Variants in ARRB1 observed in about 807,000 individuals in gnomAD.
ARRB1 encodes beta-arrestin-1.
In ARRB1, 21 loss-of-function variants were observed where a neutral mutation model predicts 56.8. That is an observed-to-expected ratio of 0.37 (90% CI 0.26 to 0.53). ARRB1 has a LOEUF of 0.53. Among genes scored for constraint, ARRB1 ranks in the 20% least tolerant of loss-of-function variants. The pLI, the probability that ARRB1 is intolerant of heterozygous loss-of-function variation, is 0.88. For missense variants in ARRB1, 424 were observed against 553.7 expected (o/e 0.77, Z 2.35); for synonymous variants, 210 against 218.6 (o/e 0.96, Z 0.35).
Position 75,277,348 on chromosome 11 carries a change from C to G in ARRB1, c.703+16G>C, listed in dbSNP as rs113230453. 50 of 1,612,606 alleles carry G rather than the reference C, an allele frequency of 3.1e-5. 1 individual carries two copies. In the African/African-American group the frequency reaches 3.3e-4, roughly 11 times the overall value. ...GCCTCTCGCTGTCCCCTAAGCTGAC[C>G]CTCTGTCTGGGATACCTGAGATCTT... On this transcript the variant is annotated intron_variant, in intron 9 of 15. Coordinates refer to ENST00000420843, the MANE Select transcript of ARRB1 (RefSeq NM_004041.5).
rs1299167171 is a variant in ARRB1, at chr11:75,263,752, A to T, written c.*2411T>A. Among the ~76,000 whole-genome samples, 2 of 152,262 alleles carry T rather than the reference A, an allele frequency of 1.3e-5. No individual in the cohort carries two copies. Among genetic ancestry groups the T allele is most frequent in the East Asian group, 3.9e-4 (2 of 5,176 alleles). On this transcript the variant is annotated 3_prime_UTR_variant, in exon 16 of 16. Coordinates refer to ENST00000420843, the MANE Select transcript of ARRB1 (RefSeq NM_004041.5). ...CCTGGCTCCAGGAGAAAAAAAAAAA[A>T]AAAAGATAGTGCTCTGATCCTTCCC... is the stretch of plus-strand genomic sequence containing the variant.
At chr11:75,291,868 G>C (rs1177518233) in intron 1 of ARRB1, among the ~76,000 whole-genome samples, 1 of 152,208 alleles carries the variant, frequency 6.6e-6, no homozygotes, top group Non-Finnish European at 1.5e-5. Flanking sequence ...TCCCCCAGGA[G>C]CACAGGGTCC....
At chr11:75,313,694 C>G (rs1947210933) in intron 1 of ARRB1, among the ~76,000 whole-genome samples, 1 of 152,168 alleles carries the variant, frequency 6.6e-6, no homozygotes, top group South Asian at 2.1e-4. Context: ...GAAATGAAAT[C>G]CCCTACTTAG....
At chr11:75,289,772 A>G (rs1946561784) in intron 2 of ARRB1, among the ~76,000 whole-genome samples, 1 of 152,054 alleles carries the variant, frequency 6.6e-6, no homozygotes, top group African/African-American at 2.4e-5. Flanking sequence ...CTCTCCCTAC[A>G]CCAGAGCTCA....
intron 15 of ARRB1, among the ~76,000 whole-genome samples, 153 bp downstream of exon 15, chr11:75,267,499 C>T (rs964044527): frequency 3.9e-5 from 6 of 152,164 alleles, no homozygotes; most frequent in Non-Finnish European, 5.9e-5. Context: ...TGCAGGCAAG[C>T]GGGTTGCTGA....
At chr11:75,340,607 C>T (rs932474041) in intron 1 of ARRB1, among the ~76,000 whole-genome samples, 10 of 152,204 alleles carry the variant, frequency 6.6e-5, no homozygotes, top group African/African-American at 2.4e-4. Flanking sequence ...ACCTGGCAGA[C>T]CCTGTAGCAG....
chr11:75,345,587 C>CTCCA (rs1947754524), intron 1 of ARRB1, among the ~76,000 whole-genome samples: 1 of 152,174 alleles, frequency 6.6e-6, no homozygotes, highest in Admixed American at 6.5e-5. Flanking sequence ...CTTCAGAAGC[C>CTCCA]TCCAGTCTGA....
chr11:75,310,137 G>GTGGGGAGCAA (rs1260338799), intron 1 of ARRB1, among the ~76,000 whole-genome samples: 6 of 152,192 alleles, frequency 3.9e-5, no homozygotes, highest in African/African-American at 1.4e-4. Context: ...GGAAATCGAT[G>GTGGGGAGCAA]TGGGGAGCAA....
intron 2 of ARRB1, among the ~76,000 whole-genome samples, chr11:75,289,256 G>A (rs1946550908): frequency 6.6e-6 from 1 of 152,212 alleles, no homozygotes; most frequent in Non-Finnish European, 1.5e-5. Flanking sequence ...GAACTCAGCT[G>A]CTTAAGATTC....
At chr11:75,278,546 G>T (rs570353820) in intron 8 of ARRB1, 63 bp downstream of exon 8, 2,395 of 1,607,844 alleles carry the variant, frequency 1.5e-3, no homozygotes, top group Non-Finnish European at 1.9e-3. Flanking sequence ...GGAGAGAGCT[G>T]GGATCTGAGG....
chr11:75,293,477 C>T (rs187087521), intron 1 of ARRB1, among the ~76,000 whole-genome samples: 6 of 152,324 alleles, frequency 3.9e-5, no homozygotes, highest in Non-Finnish European at 5.9e-5. Context: ...TCCACCTATG[C>T]AGCGTCACAC....
In ARRB1 at chr11:75,263,836, G is replaced by A. The variant is rs1475735455; in HGVS notation, c.*2327C>T. Among the ~76,000 whole-genome samples, 2 of 152,204 alleles carry A rather than the reference G, an allele frequency of 1.3e-5. No individual in the cohort carries two copies. Among genetic ancestry groups the A allele is most frequent in the African/African-American group, 4.8e-5 (2 of 41,456 alleles). Reference sequence around the variant, plus strand: ...CTAAACCCAAAAGGGTGAGCGTGATGTTGAGGTGCAGGAGGCTCGGGAAAC... The same window carrying A: ...CTAAACCCAAAAGGGTGAGCGTGATATTGAGGTGCAGGAGGCTCGGGAAAC... On this transcript the variant is annotated 3_prime_UTR_variant, in exon 16 of 16. Transcript: ENST00000420843.
intron 1 of ARRB1, among the ~76,000 whole-genome samples, chr11:75,323,952 C>T (rs906578316): frequency 6.6e-6 from 1 of 151,932 alleles, no homozygotes; most frequent in Non-Finnish European, 1.5e-5. Flanking sequence ...GAGTTAATAG[C>T]ATAGGAGATA....
At chr11:75,325,757 G>T (rs372249925) in intron 1 of ARRB1, among the ~76,000 whole-genome samples, 1 of 152,182 alleles carries the variant, frequency 6.6e-6, no homozygotes, top group African/African-American at 2.4e-5. Context: ...CCCAAACCAG[G>T]CTTGGCCATT....
In ARRB1 at chr11:75,272,727, G is replaced by A. The variant is rs191223302; in HGVS notation, c.998+168C>T. ...AGGAAGGAAGAGAGGGAAAGCGGGC[G>A]GGGGAGAAAGAGGAACAGAAGGGAG... On this transcript the variant is annotated intron_variant, in intron 12 of 15. Coordinates refer to ENST00000420843, the MANE Select transcript of ARRB1 (RefSeq NM_004041.5). 5.4e-4 allele frequency: 331 copies of A among 617,628 alleles called. 1 individual carries two copies. In the African/African-American group the frequency reaches 5.6e-3, roughly 10 times the overall value. 38.3% of individuals were successfully genotyped at this position (617,628 alleles called of 1,614,324 possible).
chr11:75,300,001 T>C (rs1946860006), intron 1 of ARRB1, among the ~76,000 whole-genome samples: 1 of 151,892 alleles, frequency 6.6e-6, no homozygotes, highest in South Asian at 2.1e-4. Context: ...GGTCAGGAGT[T>C]TGAGACCAGC....
At chr11:75,296,047 G>A (rs892457366) in intron 1 of ARRB1, among the ~76,000 whole-genome samples, 2 of 151,980 alleles carry the variant, frequency 1.3e-5, no homozygotes, top group African/African-American at 4.8e-5. Flanking sequence ...TTAGCCAGGT[G>A]TGGTGGCACA....
chr11:75,348,619 ACAGGGTCT>A (rs915068205), intron 1 of ARRB1, among the ~76,000 whole-genome samples: 13 of 151,058 alleles, frequency 8.6e-5, no homozygotes, highest in African/African-American at 2.9e-4. Flanking sequence ...ATTTTTTCAG[ACAGGGTCT>A]CACTCTCTCA....
intron 1 of ARRB1, among the ~76,000 whole-genome samples, chr11:75,319,606 C>T (rs1947314016): frequency 6.6e-6 from 1 of 152,210 alleles, no homozygotes; most frequent in Admixed American, 6.5e-5. Context: ...TTCCTGGCTG[C>T]TCCTCCAGCC....
Sources: allele counts gnomAD v4.1 joint callset (sites outside exome capture counted in the v4.1 genomes callset), GRCh38; gene constraint gnomAD v4.1.1; transcripts MANE v1.5; gene names NCBI Gene and HGNC (gene_info 2026-07-23, HGNC 2026-07-21).